CDON: variants seen among roughly 807,000 people sequenced by gnomAD.
CDON encodes cell adhesion associated, oncogene regulated, also known as cell adhesion molecule-related/down-regulated by oncogenes.
In CDON, 73 loss-of-function variants were observed where a neutral mutation model predicts 120.9. That is an observed-to-expected ratio of 0.60 (90% CI 0.50 to 0.73). The LOEUF is 0.73. CDON is among the 30% of genes least tolerant of loss of function. The pLI is 0.00. For missense variants in CDON, 1,470 were observed against 1,587.3 expected (o/e 0.93, Z 1.26); for synonymous variants, 566 against 573.5 (o/e 0.99, Z 0.19).
At position 126,034,548 on chromosome 11, in the gene CDON, A is replaced by G. The variant is rs990226332; in HGVS notation, c.-61-11011T>C. On this transcript the variant is annotated intron_variant, in intron 1 of 19. Transcript: ENST00000531738. This position sits in a 1 kb window ranked among gnomAD's most constrained non-coding sequence, Gnocchi z 4.5. ...CAATATTTGTGTGTTTAAAAAAAAA[A>G]GTCAAGTGTTCCTGTTCCACTCTCT... 6.6e-6 allele frequency among the ~76,000 whole-genome samples: 1 copy of G among 152,122 alleles called. No individual in the cohort carries two copies. The highest frequency in any genetic ancestry group is 6.5e-5 in the Admixed American group (1 of 15,280).
chr11:126,056,456 T>C (rs1948682066), intron 1 of CDON, among the ~76,000 whole-genome samples: 1 of 152,200 alleles, frequency 6.6e-6, no homozygotes, highest in African/African-American at 2.4e-5. Flanking sequence ...GAGCTATGAA[T>C]AGTCAGATTT....
intron 1 of CDON, among the ~76,000 whole-genome samples, chr11:126,044,764 A>G (rs1055124261): frequency 2.6e-5 from 4 of 152,156 alleles, no homozygotes; most frequent in Middle Eastern, 3.2e-3. Context: ...GGAGGTGGGG[A>G]TAAAGTGGGG....
At chr11:125,986,021 G>A (rs1359562741) in intron 15 of CDON, among the ~76,000 whole-genome samples, 3 of 152,204 alleles carry the variant, frequency 2.0e-5, no homozygotes, top group Non-Finnish European at 4.4e-5. Flanking sequence ...GCACACGTAT[G>A]TTTAGTGCGG....
Position 126,002,153 on chromosome 11 carries a change from T to C in CDON, c.2027-303A>G, listed in dbSNP as rs73629821. On this transcript the variant is annotated intron_variant, in intron 10 of 19. Transcript: ENST00000531738. ...ACTAAGTGTTCAAACTATTAGTCCA[T>C]TTTTCTTTTTACTGTATATATTTCT... is the stretch of plus-strand genomic sequence containing the variant. Among the ~76,000 whole-genome samples, 959 of 152,350 alleles carry C rather than the reference T, an allele frequency of 6.3e-3. 13 individuals carry two copies. Among genetic ancestry groups the C allele is most frequent in the African/African-American group, 0.022 (907 of 41,584 alleles).
chr11:126,019,780 G>A lies in CDON; in HGVS notation c.350-15C>T. ...ATCACCAAGAACTGAAATATATAAG[G>A]AAACAGATAAATAAATACATGCAAA... On this transcript the variant is annotated splice_polypyrimidine_tract_variant and intron_variant, in intron 3 of 19. Coordinates refer to ENST00000531738, the MANE Select transcript of CDON (RefSeq NM_001378964.1). 2 of 1,600,440 alleles carry A rather than the reference G, an allele frequency of 1.2e-6. No homozygotes were observed. Among genetic ancestry groups the A allele is most frequent in the South Asian group, 1.1e-5 (1 of 90,764 alleles).
chr11:126,053,966 C>T (rs978881266), intron 1 of CDON, among the ~76,000 whole-genome samples: 1 of 152,194 alleles, frequency 6.6e-6, no homozygotes, highest in African/African-American at 2.4e-5. Flanking sequence ...GTCTTATCCC[C>T]AGCTTGCAAT....
chr11:126,015,625 G>A, intron 6 of CDON, 115 bp from the exon 7 acceptor site: 2 of 1,080,256 alleles, frequency 1.9e-6, no homozygotes, highest in Non-Finnish European at 2.7e-6. Flanking sequence ...AAGTTGCATT[G>A]TTTATTCACA....
intron 6 of CDON, 58 bp from the exon 7 acceptor site, chr11:126,015,568 C>T: frequency 6.4e-7 from 1 of 1,551,654 alleles, no homozygotes; most frequent in Non-Finnish European, 8.8e-7. Flanking sequence ...CTTAAATTAT[C>T]ACTCGAGTGA....
rs1182150403 is a variant in CDON at position 125,980,915 on chromosome 11, A to T, written c.3276+134T>A. The T allele has an allele frequency of 3.6e-6, 3 of 825,336 alleles. No individual in the cohort carries two copies. The African/African-American group carries it at 5.1e-5, about 14-fold the overall frequency. 51.1% of individuals were successfully genotyped at this position (825,336 alleles called of 1,614,324 possible). A position where few individuals can be genotyped will look rare whatever the true frequency, so the allele number is the denominator to read the frequency against. ...GACTACTCTGGATCAAAGGGCTGCC[A>T]GTGATCCATGCTGTTTCCATTCGAG... On this transcript the variant is annotated intron_variant, in intron 17 of 19. Coordinates refer to ENST00000531738, the MANE Select transcript of CDON (RefSeq NM_001378964.1).
chr11:126,005,097 C>T (rs1947072777), intron 9 of CDON, among the ~76,000 whole-genome samples: 1 of 152,130 alleles, frequency 6.6e-6, no homozygotes, highest in Non-Finnish European at 1.5e-5. Flanking sequence ...GTCAGGAGTT[C>T]AAGACCAGTC....
In CDON at chr11:125,960,787, C is replaced by T. The variant is rs573435980; in HGVS notation, c.*155G>A. ...GGCATAAATAATATAAAAGGGCACA[C>T]GTTTTAAGATACATTCATATGACAT... is the stretch of plus-strand genomic sequence containing the variant. On this transcript the variant is annotated 3_prime_UTR_variant, in exon 20 of 20. Transcript: ENST00000531738. The T allele has an allele frequency of 5.5e-6, 4 of 729,846 alleles. No individual in the cohort carries two copies. Among genetic ancestry groups the T allele is most frequent in the South Asian group, 5.0e-5 (3 of 60,012 alleles). 45.2% of individuals were successfully genotyped at this position (729,846 alleles called of 1,614,324 possible). A position where few individuals can be genotyped will look rare whatever the true frequency, so the allele number is the denominator to read the frequency against.
At chr11:125,964,908 C>T (rs942016820) in intron 18 of CDON, among the ~76,000 whole-genome samples, 1 of 152,098 alleles carries the variant, frequency 6.6e-6, no homozygotes, top group Non-Finnish European at 1.5e-5. Flanking sequence ...ATGGCTGCCA[C>T]GTTTTGTTGA....
At chr11:125,975,818 G>A (rs1035674541) in intron 18 of CDON, among the ~76,000 whole-genome samples, 1 of 152,162 alleles carries the variant, frequency 6.6e-6, no homozygotes, top group Non-Finnish European at 1.5e-5. Flanking sequence ...TCCTTTCTAC[G>A]TCCATGACTG....
chr11:126,052,430 T>C (rs1489730259), intron 1 of CDON, among the ~76,000 whole-genome samples: 2 of 152,234 alleles, frequency 1.3e-5, no homozygotes, highest in Non-Finnish European at 2.9e-5. Flanking sequence ...CTTGAAAATA[T>C]GTTAAGTAGA....
chr11:126,042,073 G>A (rs767341924), intron 1 of CDON, among the ~76,000 whole-genome samples: 35 of 152,044 alleles, frequency 2.3e-4, no homozygotes, highest in Non-Finnish European at 2.1e-4. Flanking sequence ...TAGTAGAAAC[G>A]GTGTTTCTCC....
intron 1 of CDON, among the ~76,000 whole-genome samples, chr11:126,040,544 G>C (rs1012209995): frequency 6.6e-6 from 1 of 151,962 alleles, no homozygotes. Flanking sequence ...GGCCGGGCGC[G>C]GTGGCTCACG....
intron 1 of CDON, among the ~76,000 whole-genome samples, chr11:126,028,717 T>C (rs1201217707): frequency 2.0e-5 from 3 of 150,740 alleles, no homozygotes; most frequent in Non-Finnish European, 4.4e-5. Context: ...AATTTATTTA[T>C]TTATTTATTT....
intron 1 of CDON, among the ~76,000 whole-genome samples, chr11:126,059,219 CAAAGA>C (rs1343725070): frequency 6.6e-6 from 1 of 152,292 alleles, no homozygotes; most frequent in South Asian, 2.1e-4. Context: ...AAAGATCATT[CAAAGA>C]AAACTTACCA....
chr11:125,963,047 C>G (rs888802366), intron 18 of CDON, among the ~76,000 whole-genome samples: 5 of 152,012 alleles, frequency 3.3e-5, no homozygotes, highest in Non-Finnish European at 5.9e-5. Context: ...AATTTTCTGG[C>G]TGCTCTGTTA....
Sources: gnomAD v4.1 joint callset for allele counts (sites outside exome capture counted in the v4.1 genomes callset) on GRCh38, gnomAD v4.1.1 for gene constraint, Gnocchi (gnomAD v3.1) non-coding constraint, MANE v1.5 for transcripts, NCBI Gene and HGNC (gene_info 2026-07-23, HGNC 2026-07-21) for gene names.